BTBD9: variants seen among roughly 807,000 people sequenced by gnomAD.
The protein encoded by BTBD9 is BTB/POZ domain-containing protein 9.
Under a neutral mutation model 64.3 loss-of-function variants are expected in BTBD9, and 49 were observed. That is an observed-to-expected ratio of 0.76 (90% CI 0.61 to 0.97). The LOEUF is 0.97. BTBD9 is among the 50% of genes least tolerant of loss of function. BTBD9 has a pLI of 0.00. For missense variants in BTBD9, 598 were observed against 762.1 expected, an observed-to-expected ratio of 0.78 and a Z score of 2.53; for synonymous variants, 260 against 274.7, an observed-to-expected ratio of 0.95 and a Z score of 0.53.
chr6:38,572,063 C>T (rs939973522), intron 6 of BTBD9, among the ~76,000 whole-genome samples: 1 of 151,738 alleles, frequency 6.6e-6, no homozygotes, highest in African/African-American at 2.4e-5. Context: ...AAAACACCTA[C>T]CCCCCATCTC....
chr6:38,294,115 C>T lies in BTBD9; in HGVS notation c.1265-5654G>A, dbSNP rs146539795. On this transcript the variant is annotated intron_variant, in intron 7 of 10. Coordinates refer to ENST00000481247, the MANE Select transcript of BTBD9 (RefSeq NM_001099272.2). Reference sequence around the variant, plus strand: ...AGAGAAATGCAAATCAAAACCACAACGAGATACCATCTCATGCCAGTTAGA... The same window carrying T: ...AGAGAAATGCAAATCAAAACCACAATGAGATACCATCTCATGCCAGTTAGA... 1.1e-4 allele frequency among the ~76,000 whole-genome samples: 17 copies of T among 152,222 alleles called. No individual in the cohort carries two copies. The East Asian group carries it at 1.9e-3, about 17-fold the overall frequency.
At chr6:38,306,808 C>G (rs1762642798) in intron 7 of BTBD9, among the ~76,000 whole-genome samples, 1 of 152,174 alleles carries the variant, frequency 6.6e-6, no homozygotes, top group East Asian at 1.9e-4. Context: ...CCACTTGAAG[C>G]AGATTTTGTA....
rs771690985 is a variant in BTBD9, at chr6:38,175,191, G to C, written c.1642-9C>G. 21 of 1,613,944 alleles carry C rather than the reference G, an allele frequency of 1.3e-5. No individual in the cohort carries two copies. In the African/African-American group the frequency reaches 2.0e-4, roughly 15 times the overall value. The stretch of plus-strand genomic sequence containing the variant: ...TGGACACAGTGGAACACCTGGGAGA[G>C]AAAAGGAAAAGACCCCATGAGTGAA... On this transcript the variant is annotated splice_polypyrimidine_tract_variant and intron_variant, in intron 10 of 10. Transcript: ENST00000481247.
intron 6 of BTBD9, among the ~76,000 whole-genome samples, chr6:38,385,167 A>C (rs1159265950): frequency 6.8e-6 from 1 of 147,976 alleles, no homozygotes; most frequent in Non-Finnish European, 1.5e-5. Context: ...CATACTAGAT[A>C]CAACTTGGTG....
At chr6:38,230,853 A>G (rs1310326222) in intron 9 of BTBD9, among the ~76,000 whole-genome samples, 1 of 152,238 alleles carries the variant, frequency 6.6e-6, no homozygotes, top group Non-Finnish European at 1.5e-5. Context: ...TTTCTGGCCT[A>G]AAGTAGCTGC....
intron 6 of BTBD9, among the ~76,000 whole-genome samples, chr6:38,545,855 T>TAC (rs34465570): frequency 0.21 from 27,256 of 130,308 alleles, 2,851 homozygotes; most frequent in East Asian, 0.46. Flanking sequence ...CACACACACA[T>TAC]ACACACACAC....
chr6:38,514,380 A>C (rs1383675404), intron 6 of BTBD9, among the ~76,000 whole-genome samples: 2 of 152,210 alleles, frequency 1.3e-5, no homozygotes, highest in Non-Finnish European at 2.9e-5. Context: ...TTCATTTCTA[A>C]TAAAGAGCTG....
At chr6:38,479,384 A>T (rs1198821367) in intron 6 of BTBD9, among the ~76,000 whole-genome samples, 5 of 151,992 alleles carry the variant, frequency 3.3e-5, no homozygotes, top group South Asian at 2.1e-4. Context: ...GAGGAAGCAT[A>T]AAAAAAATCA....
At chr6:38,476,297 T>C (rs1770876882) in intron 6 of BTBD9, among the ~76,000 whole-genome samples, 2 of 152,192 alleles carry the variant, frequency 1.3e-5, no homozygotes, top group Non-Finnish European at 2.9e-5. Flanking sequence ...CATCTTCCCT[T>C]CTCACATCCT....
intron 9 of BTBD9, chr6:38,193,864 C>T (rs1762184165): frequency 9.1e-6 from 9 of 985,424 alleles, no homozygotes; most frequent in Non-Finnish European, 9.6e-6. Context: ...CACTATGAAC[C>T]TCCCACTGAG....
At chr6:38,313,665 G>A (rs1762927705) in intron 7 of BTBD9, among the ~76,000 whole-genome samples, 1 of 151,472 alleles carries the variant, frequency 6.6e-6, no homozygotes, top group Non-Finnish European at 1.5e-5. Flanking sequence ...TTATTGATAT[G>A]ATATATCATG....
At chr6:38,311,594 T>A (rs1762837491) in intron 7 of BTBD9, among the ~76,000 whole-genome samples, 1 of 152,204 alleles carries the variant, frequency 6.6e-6, no homozygotes, top group Non-Finnish European at 1.5e-5. Flanking sequence ...TGGGTACATA[T>A]CTAAAAGTGG....
At chr6:38,243,909 C>T (rs531101408) in intron 9 of BTBD9, among the ~76,000 whole-genome samples, 2 of 152,122 alleles carry the variant, frequency 1.3e-5, no homozygotes, top group Non-Finnish European at 2.9e-5. Context: ...AGGAAGAAAA[C>T]ACGAGCCTCT....
intron 10 of BTBD9, among the ~76,000 whole-genome samples, chr6:38,192,187 A>T (rs1009613879): frequency 1.3e-5 from 2 of 152,088 alleles, no homozygotes; most frequent in Non-Finnish European, 2.9e-5. Context: ...GGGGCAAGAA[A>T]CCTCATACAA....
At chr6:38,227,604 G>T (rs1763443200) in intron 9 of BTBD9, among the ~76,000 whole-genome samples, 1 of 152,226 alleles carries the variant, frequency 6.6e-6, no homozygotes, top group African/African-American at 2.4e-5. Flanking sequence ...AGGTTCAAGA[G>T]TGCTTCAGAG....
At chr6:38,504,229 C>T (rs1390977706) in intron 6 of BTBD9, among the ~76,000 whole-genome samples, 1 of 152,186 alleles carries the variant, frequency 6.6e-6, no homozygotes, top group African/African-American at 2.4e-5. Context: ...AAAAATCACA[C>T]AATTGGACTT....
At chr6:38,207,231 G>A (rs967345585) in intron 9 of BTBD9, 1 of 202,130 alleles carries the variant, frequency 4.9e-6, no homozygotes, top group African/African-American at 2.4e-5. Flanking sequence ...GGAAATGCAA[G>A]AGATCTCCAA....
chr6:38,463,517 T>C (rs1380476445), intron 6 of BTBD9, among the ~76,000 whole-genome samples: 2 of 152,254 alleles, frequency 1.3e-5, no homozygotes. Flanking sequence ...TTTCTAGAGA[T>C]GCCCTTGATC....
At chr6:38,397,039 T>C (rs1234156401) in intron 6 of BTBD9, among the ~76,000 whole-genome samples, 1 of 151,734 alleles carries the variant, frequency 6.6e-6, no homozygotes, top group East Asian at 1.9e-4. Flanking sequence ...GTAGCAGGGA[T>C]TACAGGTGTG....
Sources: allele counts gnomAD v4.1 joint callset (sites outside exome capture counted in the v4.1 genomes callset), GRCh38; gene constraint gnomAD v4.1.1; transcripts MANE v1.5; gene names NCBI Gene and HGNC (gene_info 2026-07-23, HGNC 2026-07-21).